Variants in GLIS3 observed in about 807,000 individuals in gnomAD.
GLIS3 encodes GLIS family zinc finger 3, also known as zinc finger protein GLIS3.
GLIS3 carries 53 observed loss-of-function variants against 78.6 expected under a neutral mutation model. The observed-to-expected ratio is 0.67, with a 90% CI of 0.54 to 0.85. The LOEUF (loss-of-function observed/expected upper bound fraction) is 0.85. Ranked by LOEUF, GLIS3 falls within the 40% of genes least tolerant of loss-of-function variation. The pLI is 0.00. For missense variants in GLIS3, 1,703 were observed against 1,231.1 expected (o/e 1.38, Z -5.74); for synonymous variants, 684 against 509.9 (o/e 1.34, Z -4.60).
At chr9:3,872,040 C>G (rs1292274305) in intron 8 of GLIS3, among the ~76,000 whole-genome samples, 2 of 152,214 alleles carry the variant, frequency 1.3e-5, no homozygotes, top group African/African-American at 2.4e-5. Context: ...TAAATCAGCT[C>G]TCTCAAGTTC....
the GLIS3 span, among the ~76,000 whole-genome samples, chr9:4,474,985 A>ATTTTTTTTTT: frequency 7.2e-4 from 82 of 114,506 alleles, 7 homozygotes; most frequent in South Asian, 1.1e-3. Context: ...GACTATGTTA[A>ATTTTTTTTTT]TTTTTTTTTC....
chr9:3,994,453 T>A (rs977380430), intron 4 of GLIS3, among the ~76,000 whole-genome samples: 2 of 152,214 alleles, frequency 1.3e-5, no homozygotes, highest in African/African-American at 4.8e-5. Flanking sequence ...CAAGCGTATG[T>A]CTTCTTTAAA....
the GLIS3 span, among the ~76,000 whole-genome samples, chr9:4,362,937 T>C: frequency 6.6e-6 from 1 of 151,594 alleles, no homozygotes; most frequent in Admixed American, 6.6e-5. Flanking sequence ...ATGAAGAAGG[T>C]AGCAAGGGAG....
intron 2 of GLIS3, among the ~76,000 whole-genome samples, chr9:4,283,834 T>C (rs1345972463): frequency 6.6e-6 from 1 of 152,180 alleles, no homozygotes; most frequent in South Asian, 2.1e-4. Context: ...AGACCACTGA[T>C]GGTATCTAAG....
the GLIS3 span, among the ~76,000 whole-genome samples, chr9:4,369,749 G>A: frequency 6.6e-6 from 1 of 152,102 alleles, no homozygotes; most frequent in Non-Finnish European, 1.5e-5. Flanking sequence ...AATCCCAAAG[G>A]ACCTTGACAA....
chr9:4,411,812 C>A, the GLIS3 span, among the ~76,000 whole-genome samples: 1 of 152,230 alleles, frequency 6.6e-6, no homozygotes, highest in Non-Finnish European at 1.5e-5. Context: ...CTGCAATCCT[C>A]TTCTCCTACA....
upstream of GLIS3, among the ~76,000 whole-genome samples, chr9:4,303,118 T>C (rs1483585094): frequency 1.4e-5 from 1 of 73,714 alleles, no homozygotes; most frequent in Non-Finnish European, 4.0e-5. Flanking sequence ...CTGAGTGCTC[T>C]GACAGTAAAC....
At chr9:3,985,799 A>G (rs497095) in intron 4 of GLIS3, among the ~76,000 whole-genome samples, 48,614 of 152,072 alleles carry the variant, frequency 0.32, 7,803 homozygotes, top group African/African-American at 0.36. Flanking sequence ...TCCACGTTAG[A>G]AGCATTTTGT....
chr9:3,939,790 A>G (rs1826099209), intron 4 of GLIS3, among the ~76,000 whole-genome samples: 1 of 152,220 alleles, frequency 6.6e-6, no homozygotes, highest in South Asian at 2.1e-4. Context: ...AGTTTCATGT[A>G]GTCAGGGGCT....
intron 9 of GLIS3, among the ~76,000 whole-genome samples, chr9:3,838,016 T>G (rs1263598431): frequency 1.3e-5 from 2 of 150,820 alleles, no homozygotes; most frequent in African/African-American, 2.4e-5. Context: ...GAGGAGGGTG[T>G]GTGGGAACTC....
chr9:4,118,215 G>A lies in GLIS3; in HGVS notation c.1263C>T (p.Asp421=), dbSNP rs755713904. 4.4e-6 allele frequency: 7 copies of A among 1,584,496 alleles called. No homozygotes were observed. The African/African-American group carries it at 8.1e-5, about 18-fold the overall frequency. ...MVVQHGLPGP[D]SQSAGLFKTE... The stretch of plus-strand genomic sequence containing the variant: ...TCTTGAACAGGCCGGCCGACTGGCT[G>A]TCGGGGCCCGGCAGGCCATGCTGCA... The change falls in exon 4 of 11, where the codon GAC becomes GAT. Residue 421 remains aspartate (D), a synonymous_variant. Transcript: ENST00000381971. The surrounding 1 kb of genome is among the most constrained non-coding windows in gnomAD (Gnocchi z 4.7).
chr9:3,977,884 C>G lies in GLIS3; in HGVS notation c.1711-40695G>C, dbSNP rs915434707. 1.3e-5 allele frequency among the ~76,000 whole-genome samples: 2 copies of G among 152,238 alleles called. No individual in the cohort carries two copies. Among genetic ancestry groups the G allele is most frequent in the Non-Finnish European group, 2.9e-5 (2 of 68,046 alleles). On this transcript the variant is annotated intron_variant, in intron 4 of 10. Coordinates refer to ENST00000381971, the MANE Select transcript of GLIS3 (RefSeq NM_001042413.2). The surrounding 1 kb of genome is among the most constrained non-coding windows in gnomAD (Gnocchi z 4.1). Reference sequence around the variant, plus strand: ...GCTGGTGAGGAGGTCTAATTTCACACCACGCAGCAATGAAATGCTGCTAAC... The same window carrying G: ...GCTGGTGAGGAGGTCTAATTTCACAGCACGCAGCAATGAAATGCTGCTAAC...
At chr9:4,226,187 A>C (rs4741923) in intron 2 of GLIS3, among the ~76,000 whole-genome samples, 1 of 152,096 alleles carries the variant, frequency 6.6e-6, no homozygotes, top group East Asian at 1.9e-4. Flanking sequence ...TTGGATACTC[A>C]AATTAATTCT....
chr9:4,032,946 C>T (rs141899840), intron 4 of GLIS3, among the ~76,000 whole-genome samples: 17,149 of 152,014 alleles, frequency 0.11, 1,070 homozygotes, highest in African/African-American at 0.14. Flanking sequence ...CTCCGCCTCC[C>T]GGGTTCACAC....
chr9:4,159,030 G>GAAAAAAAAAAAAAAAAAAA lies in GLIS3; in HGVS notation c.389-33090_389-33089insTTTTTTTTTTTTTTTTTTT, dbSNP rs141412126. The stretch of plus-strand genomic sequence containing the variant: ...GCTTGGTATGCTAGAGAAAGGAGAA[G>GAAAAAAAAAAAAAAAAAAA]AAGAAAAAAAAAAAAAAAAGCCAGG... On this transcript the variant is annotated intron_variant, in intron 2 of 10. Coordinates refer to ENST00000381971, the MANE Select transcript of GLIS3 (RefSeq NM_001042413.2). Among the ~76,000 whole-genome samples, 5 of 79,088 alleles carry GAAAAAAAAAAAAAAAAAAA rather than the reference G, an allele frequency of 6.3e-5. 1 individual carries two copies. The highest frequency in any genetic ancestry group is 1.5e-4 in the African/African-American group (3 of 20,560). 51.9% of individuals were successfully genotyped at this position (79,088 alleles called of 152,430 possible).
the GLIS3 span, among the ~76,000 whole-genome samples, chr9:4,404,287 C>T: frequency 2.6e-5 from 4 of 152,150 alleles, no homozygotes; most frequent in African/African-American, 9.7e-5. Flanking sequence ...GACTTCAACA[C>T]CCCACTTTCA....
At chr9:4,045,189 T>A (rs1175320656) in intron 4 of GLIS3, among the ~76,000 whole-genome samples, 1 of 152,184 alleles carries the variant, frequency 6.6e-6, no homozygotes, top group Non-Finnish European at 1.5e-5. Flanking sequence ...TTTGGCCATA[T>A]TGATATTGCA....
At chr9:4,046,418 G>A (rs1446577910) in intron 4 of GLIS3, among the ~76,000 whole-genome samples, 1 of 152,150 alleles carries the variant, frequency 6.6e-6, no homozygotes, top group Admixed American at 6.5e-5. Context: ...GATCTAGCAG[G>A]ATATAACACT....
At chr9:4,466,984 A>G in the GLIS3 span, among the ~76,000 whole-genome samples, 1 of 152,334 alleles carries the variant, frequency 6.6e-6, no homozygotes, top group South Asian at 2.1e-4. Context: ...AGAAGATTAT[A>G]TCCCGCACCT....
Sources: gnomAD v4.1 joint callset for allele counts (sites outside exome capture counted in the v4.1 genomes callset) on GRCh38, gnomAD v4.1.1 for gene constraint, Gnocchi (gnomAD v3.1) non-coding constraint, MANE v1.5 for transcripts, NCBI Gene and HGNC (gene_info 2026-07-23, HGNC 2026-07-21) for gene names.